GRIN2B: variants seen among roughly 807,000 people sequenced by gnomAD.
GRIN2B encodes glutamate receptor ionotropic, NMDA 2B.
In GRIN2B, 5 loss-of-function variants were observed where a neutral mutation model predicts 114.5. The ratio of observed to expected loss-of-function variants is 0.04; its 90% CI spans 0.02 to 0.09. The LOEUF is 0.09. Among genes scored for constraint, GRIN2B ranks in the 10% least tolerant of loss-of-function variants. The pLI is 1.00. For missense variants in GRIN2B, 1,108 were observed against 1,943.5 expected, an observed-to-expected ratio of 0.57 and a Z score of 8.08; for synonymous variants, 787 against 745.1, an observed-to-expected ratio of 1.06 and a Z score of -0.92.
At chr12:13,692,620 G>A (rs922255431) in intron 4 of GRIN2B, among the ~76,000 whole-genome samples, 33 of 151,860 alleles carry the variant, frequency 2.2e-4, no homozygotes, top group African/African-American at 8.0e-4. Flanking sequence ...GTGTGAATGT[G>A]CCCTGTGATG....
At chr12:13,630,758 G>T in intron 5 of GRIN2B, among the ~76,000 whole-genome samples, 1 of 152,218 alleles carries the variant, frequency 6.6e-6, no homozygotes, top group Non-Finnish European at 1.5e-5. Context: ...CCCAAAGAAG[G>T]CTGAGTAATA....
Position 13,562,968 on chromosome 12 carries a change from G to A in GRIN2B, c.4270C>T (p.Leu1424Phe), listed in dbSNP as rs748128078. Residue 1424 changes from leucine to phenylalanine, a missense_variant, in exon 14 of 14, where the codon CTT becomes TTT. By Grantham distance (22) the Leu-to-Phe change is conservative. Coordinates refer to ENST00000609686, the MANE Select transcript of GRIN2B (RefSeq NM_000834.5). ...GAGACCACCGGCTTGTTGGTGACAA[G>A]GGCCCGGAAGTCCGGCCTGGCTTTC... is the stretch of plus-strand genomic sequence containing the variant. ...ASKARPDFRALVTNKPVVSAL... is the reference protein window; with the variant it reads ...ASKARPDFRAFVTNKPVVSAL... 52 of 1,613,894 alleles carry A rather than the reference G, an allele frequency of 3.2e-5. No homozygotes were observed. The highest frequency in any genetic ancestry group is 6.7e-5 in the African/African-American group (5 of 74,938).
chr12:13,836,117 GTATCTTCAGAAAGATTCTCC>G (rs1208844698), intron 3 of GRIN2B, among the ~76,000 whole-genome samples: 8 of 152,206 alleles, frequency 5.3e-5, no homozygotes, highest in African/African-American at 1.9e-4. Flanking sequence ...TAGTTAACCT[GTATCTTCAGAAAGATTCTCC>G]CAAAGCCACA....
intron 5 of GRIN2B, among the ~76,000 whole-genome samples, chr12:13,617,438 A>G (rs1263660373): frequency 6.6e-6 from 1 of 152,214 alleles, no homozygotes; most frequent in Non-Finnish European, 1.5e-5. Context: ...GTGAAAGGCC[A>G]GTGTCCCTGA....
chr12:13,637,566 T>C lies in GRIN2B; in HGVS notation c.1126-20909A>G, dbSNP rs150816035. Among the ~76,000 whole-genome samples, 492 of 152,256 alleles carry C rather than the reference T, an allele frequency of 3.2e-3. 5 individuals carry two copies. The highest frequency in any genetic ancestry group is 3.2e-3 in the Non-Finnish European group (220 of 68,000). On this transcript the variant is annotated intron_variant, in intron 5 of 13. Coordinates refer to ENST00000609686, the MANE Select transcript of GRIN2B (RefSeq NM_000834.5). ...GAAATGTCACAATTTCCATACAGTTTGCACTTGCAGCAAAAAATAGTCCAT... is the reference window on the plus strand; with the variant it reads ...GAAATGTCACAATTTCCATACAGTTCGCACTTGCAGCAAAAAATAGTCCAT...
Position 13,550,593 on chromosome 12 carries a change from T to G in GRIN2B, c.*12190A>C, listed in dbSNP as rs992841019. The G allele has an allele frequency of 2.6e-5, 4 of 152,152 alleles. No homozygotes were observed. Among genetic ancestry groups the G allele is most frequent in the African/African-American group, 9.7e-5 (4 of 41,430 alleles). 9.4% of individuals were successfully genotyped at this position (152,152 alleles called of 1,614,324 possible). ...GAACCAACCCATCAACAGGACCTTATGGATTCCATCAGGTCAAATAGGACA... is the reference window on the plus strand; with the variant it reads ...GAACCAACCCATCAACAGGACCTTAGGGATTCCATCAGGTCAAATAGGACA... On this transcript the variant is annotated 3_prime_UTR_variant, in exon 14 of 14. Transcript: ENST00000609686.
At chr12:13,578,206 A>ATTAT (rs1474302186) in intron 10 of GRIN2B, among the ~76,000 whole-genome samples, 2 of 152,170 alleles carry the variant, frequency 1.3e-5, no homozygotes, top group African/African-American at 4.8e-5. Context: ...TCTGCCAGAA[A>ATTAT]TTATTTGCCA....
intron 5 of GRIN2B, among the ~76,000 whole-genome samples, chr12:13,651,760 A>T (rs929326259): frequency 2.6e-4 from 39 of 152,128 alleles, no homozygotes; most frequent in Admixed American, 7.9e-4. Flanking sequence ...AACAGAAATT[A>T]GTCCAGTGGT....
At chr12:13,835,773 A>T (rs1365722018) in intron 3 of GRIN2B, among the ~76,000 whole-genome samples, 3 of 40,062 alleles carry the variant, frequency 7.5e-5, no homozygotes, top group Non-Finnish European at 1.4e-4. Context: ...TAGCACATTA[A>T]AAAAAAAAAA....
At chr12:13,818,300 C>G (rs1864868476) in intron 3 of GRIN2B, among the ~76,000 whole-genome samples, 1 of 152,166 alleles carries the variant, frequency 6.6e-6, no homozygotes, top group Non-Finnish European at 1.5e-5. Context: ...ATACTGGAAC[C>G]AAAGGCCATT....
chr12:13,699,495 T>C (rs1950291245), intron 4 of GRIN2B, among the ~76,000 whole-genome samples: 1 of 152,148 alleles, frequency 6.6e-6, no homozygotes, highest in Non-Finnish European at 1.5e-5. Flanking sequence ...CAAAGGAAAC[T>C]TGTCTGTTGA....
intron 5 of GRIN2B, among the ~76,000 whole-genome samples, chr12:13,636,301 T>C (rs1434437902): frequency 1.3e-5 from 2 of 152,134 alleles, no homozygotes; most frequent in Non-Finnish European, 1.5e-5. Context: ...AAAATCAGTC[T>C]GGTGAGATAG....
intron 5 of GRIN2B, among the ~76,000 whole-genome samples, chr12:13,658,737 G>A (rs1211478189): frequency 1.3e-5 from 2 of 152,012 alleles, no homozygotes; most frequent in Non-Finnish European, 2.9e-5. Context: ...GAGCTACATT[G>A]TTCTGTGATT....
intron 4 of GRIN2B, among the ~76,000 whole-genome samples, chr12:13,723,708 G>A (rs1862920916): frequency 6.6e-6 from 1 of 152,072 alleles, no homozygotes; most frequent in South Asian, 2.1e-4. Context: ...TGGTGGATTG[G>A]GATAAGCTAG....
intron 4 of GRIN2B, among the ~76,000 whole-genome samples, chr12:13,700,175 A>G (rs1308531189): frequency 6.6e-6 from 1 of 152,128 alleles, no homozygotes; most frequent in Non-Finnish European, 1.5e-5. Flanking sequence ...CACAGTAAGT[A>G]CACTGGTTTT....
chr12:13,903,332 G>T (rs1565581227), intron 2 of GRIN2B, among the ~76,000 whole-genome samples: 1 of 151,496 alleles, frequency 6.6e-6, no homozygotes. Flanking sequence ...TTATTTTTCA[G>T]TCTTTCTTTT....
intron 5 of GRIN2B, among the ~76,000 whole-genome samples, chr12:13,642,216 A>G (rs1949724868): frequency 7.2e-6 from 1 of 139,002 alleles, no homozygotes. Flanking sequence ...AAACAAACAA[A>G]CAAACAAGCT....
rs61525874 is a variant in GRIN2B at position 13,954,811 on chromosome 12, G to GAAAAAAAAAAAAAAAAAAAAAAAAA, written c.-19+25116_-19+25117insTTTTTTTTTTTTTTTTTTTTTTTTT. 2.0e-3 allele frequency among the ~76,000 whole-genome samples: 50 copies of GAAAAAAAAAAAAAAAAAAAAAAAAA among 25,542 alleles called. 13 individuals are homozygous for GAAAAAAAAAAAAAAAAAAAAAAAAA. Among genetic ancestry groups the GAAAAAAAAAAAAAAAAAAAAAAAAA allele is most frequent in the Non-Finnish European group, 3.3e-3 (33 of 9,948 alleles). 16.8% of individuals were successfully genotyped at this position (25,542 alleles called of 152,430 possible). On this transcript the variant is annotated intron_variant, in intron 2 of 13. Transcript: ENST00000609686. ...GTGACAGAGTGAGACTCCGTCTCAG[G>GAAAAAAAAAAAAAAAAAAAAAAAAA]AAAAAAAAAAAAAAAAAACTTTTTC...
chr12:13,695,661 T>A (rs1950253378), intron 4 of GRIN2B, among the ~76,000 whole-genome samples: 1 of 152,140 alleles, frequency 6.6e-6, no homozygotes, highest in Admixed American at 6.5e-5. Context: ...GGGCCAATTG[T>A]GAAGCTTTTG....
Sources: gnomAD v4.1 joint callset for allele counts (sites outside exome capture counted in the v4.1 genomes callset) on GRCh38, gnomAD v4.1.1 for gene constraint, MANE v1.5 for transcripts, NCBI Gene and HGNC (gene_info 2026-07-23, HGNC 2026-07-21) for gene names.